OTOP1: variants seen among roughly 807,000 people sequenced by gnomAD.
The protein encoded by OTOP1 is proton channel OTOP1.
Under a neutral mutation model 52.9 loss-of-function variants are expected in OTOP1, and 59 were observed. The observed-to-expected ratio is 1.12, with a 90% CI of 0.91 to 1.39. The LOEUF (loss-of-function observed/expected upper bound fraction) is 1.39, where lower values mean the gene tolerates loss of function less well. Ranked by LOEUF, OTOP1 falls within the 40% of genes most tolerant of loss-of-function variation. The pLI, the probability that OTOP1 is intolerant of heterozygous loss-of-function variation, is 0.00. For missense variants in OTOP1, 761 were observed against 800.9 expected (o/e 0.95, Z 0.60); for synonymous variants, 317 against 337.7 (o/e 0.94, Z 0.67).
intron 3 of OTOP1, among the ~76,000 whole-genome samples, chr4:4,204,362 C>T (rs1424448379): frequency 1.3e-5 from 2 of 152,162 alleles, no homozygotes; most frequent in Non-Finnish European, 2.9e-5. Flanking sequence ...CAAACGCAGA[C>T]AATGCCGTTT....
intron 1 of OTOP1, among the ~76,000 whole-genome samples, chr4:4,220,565 T>A (rs769579725): frequency 2.0e-5 from 3 of 152,186 alleles, no homozygotes; most frequent in Non-Finnish European, 2.9e-5. Context: ...ATGACAGTAA[T>A]AACACCTATC....
At chr4:4,219,836 CAT>C (rs71169624) in intron 1 of OTOP1, among the ~76,000 whole-genome samples, 19 of 141,226 alleles carry the variant, frequency 1.3e-4, no homozygotes, top group Admixed American at 3.5e-4. Flanking sequence ...TATGTGTATA[CAT>C]ATATATACAC....
intron 2 of OTOP1, among the ~76,000 whole-genome samples, chr4:4,207,288 T>C (rs1560208145): frequency 1.3e-5 from 2 of 152,232 alleles, no homozygotes; most frequent in Non-Finnish European, 2.9e-5. Context: ...GATTTGAAAT[T>C]AGACAGCCAT....
chr4:4,197,127 G>T, intron 5 of OTOP1, 39 bp downstream of exon 5: 2 of 1,541,604 alleles, frequency 1.3e-6, no homozygotes, highest in Non-Finnish European at 1.8e-6. Flanking sequence ...AAAGTTTAAA[G>T]TAAAATTAAA....
At chr4:4,208,615 A>C (rs1464344040) in intron 2 of OTOP1, among the ~76,000 whole-genome samples, 1 of 152,202 alleles carries the variant, frequency 6.6e-6, no homozygotes, top group Non-Finnish European at 1.5e-5. Flanking sequence ...GTTTGCCAAA[A>C]GCCGGAGGAG....
At chr4:4,201,471 T>TATACAC (rs1553852440) in intron 4 of OTOP1, among the ~76,000 whole-genome samples, 11 of 140,856 alleles carry the variant, frequency 7.8e-5, no homozygotes, top group African/African-American at 2.7e-4. Context: ...TATATATATA[T>TATACAC]ACACACACAC....
chr4:4,219,458 T>C (rs1421625312), intron 1 of OTOP1, among the ~76,000 whole-genome samples: 4 of 151,710 alleles, frequency 2.6e-5, no homozygotes, highest in African/African-American at 9.7e-5. Context: ...TCCCAGCACT[T>C]TGGGAGGCCG....
At chr4:4,192,341 G>T (rs1356732666) in intron 5 of OTOP1, among the ~76,000 whole-genome samples, 16 of 152,110 alleles carry the variant, frequency 1.1e-4, no homozygotes, top group Admixed American at 1.0e-3. Context: ...TCTGCCCAAG[G>T]CTTCACCAAC....
chr4:4,216,280 A>G lies in OTOP1; in HGVS notation c.404-3276T>C, dbSNP rs116216428. Among the ~76,000 whole-genome samples the G allele has an allele frequency of 6.9e-3, 1,057 of 152,358 alleles. 6 individuals are homozygous for G. Among genetic ancestry groups the G allele is most frequent in the African/African-American group, 0.024 (1,013 of 41,582 alleles). ...CATATAAAAAAGACTGGAAAGGAAT[A>G]TACAAAATACATTAAAAAGACACTT... On this transcript the variant is annotated intron_variant, in intron 1 of 5. Transcript: ENST00000296358.
rs1716954047 is a variant in OTOP1 at position 4,208,343 on chromosome 4, T to A, written c.541-2213A>T. ...TGGGAGGCAGGTTTGCCTGACGCAG[T>A]TCCCAGCTTGACTTTTCCCTTTGGC... On this transcript the variant is annotated intron_variant, in intron 2 of 5. Coordinates refer to ENST00000296358, the MANE Select transcript of OTOP1 (RefSeq NM_177998.3). Among the ~76,000 whole-genome samples the A allele has an allele frequency of 6.6e-5, 10 of 152,338 alleles. No homozygotes were observed. In the South Asian group the frequency reaches 2.1e-3, roughly 32 times the overall value.
chr4:4,212,518 G>T (rs928841129), intron 2 of OTOP1, among the ~76,000 whole-genome samples: 3 of 152,132 alleles, frequency 2.0e-5, no homozygotes, highest in African/African-American at 7.2e-5. Flanking sequence ...ACGTTAAATG[G>T]GTGAATTATA....
intron 4 of OTOP1, among the ~76,000 whole-genome samples, chr4:4,198,800 C>A (rs1379677507): frequency 6.6e-6 from 1 of 152,114 alleles, no homozygotes; most frequent in Non-Finnish European, 1.5e-5. Context: ...TGAAACAGGT[C>A]ACCAAAGCCC....
At chr4:4,218,648 C>A (rs28633695) in intron 1 of OTOP1, among the ~76,000 whole-genome samples, 8 of 152,012 alleles carry the variant, frequency 5.3e-5, no homozygotes, top group African/African-American at 1.9e-4. Flanking sequence ...TAATAGGCAG[C>A]TGAGCACGGT....
At position 4,206,072 on chromosome 4, in the gene OTOP1, C is replaced by G; in HGVS notation, c.599G>C (p.Arg200Thr). 1 of 1,602,444 alleles carries G rather than the reference C, an allele frequency of 6.2e-7. No homozygotes were observed. The change falls in exon 3 of 6, where the codon AGG becomes ACG. Residue 200 changes from arginine to threonine, a missense_variant and splice_region_variant. This residue lies in a region of OTOP1 where 632 missense variants were observed against 619.5 expected (regional missense o/e 1.02). Transcript: ENST00000296358. ...DIIQSFKTLE[R>T]FGVIHSVFTN... ...TAAAGCAATTACCCACAATTTTTAC[C>G]TTTCCAGTGTTTTGAAAGACTGGAT... is the stretch of plus-strand genomic sequence containing the variant.
intron 5 of OTOP1, among the ~76,000 whole-genome samples, chr4:4,193,623 T>A (rs1381858767): frequency 6.6e-6 from 1 of 152,084 alleles, no homozygotes; most frequent in Non-Finnish European, 1.5e-5. Flanking sequence ...ATGATTTCCA[T>A]CCTCTGCTTC....
At chr4:4,205,484 G>C (rs1407711519) in intron 3 of OTOP1, among the ~76,000 whole-genome samples, 1 of 152,146 alleles carries the variant, frequency 6.6e-6, no homozygotes, top group Admixed American at 6.5e-5. Flanking sequence ...GACAGCTCTG[G>C]GCTCTTACCA....
intron 5 of OTOP1, among the ~76,000 whole-genome samples, chr4:4,195,931 T>C (rs1716613407): frequency 6.6e-6 from 1 of 152,214 alleles, no homozygotes; most frequent in Admixed American, 6.5e-5. Flanking sequence ...GTCTTTCCAC[T>C]TTAATCTTTA....
intron 3 of OTOP1, 113 bp from the exon 4 acceptor site, chr4:4,202,691 G>A: frequency 3.6e-6 from 5 of 1,385,564 alleles, no homozygotes; most frequent in Non-Finnish European, 4.9e-6. Flanking sequence ...CATGATTCTG[G>A]TTTCACCTGG....
chr4:4,215,450 T>C (rs1339210771), intron 1 of OTOP1, among the ~76,000 whole-genome samples: 1 of 151,934 alleles, frequency 6.6e-6, no homozygotes, highest in African/African-American at 2.4e-5. Context: ...TCACCTGAGG[T>C]TGGGAGTTCG....
Sources: allele counts gnomAD v4.1 joint callset (sites outside exome capture counted in the v4.1 genomes callset), GRCh38; gene constraint gnomAD v4.1.1; regional missense constraint gnomAD v4.1.1; transcripts MANE v1.5; gene names NCBI Gene and HGNC (gene_info 2026-07-23, HGNC 2026-07-21).